Variants in ZNF326 observed in about 807,000 individuals in gnomAD.
The protein encoded by ZNF326 is zinc finger protein 326, also known as DBIRD complex subunit ZNF326.
ZNF326 carries 30 observed loss-of-function variants against 63.1 expected under a neutral mutation model. The observed-to-expected ratio is 0.48, with a 90% CI of 0.36 to 0.64. ZNF326 has a LOEUF of 0.64. Among genes scored for constraint, ZNF326 ranks in the 30% least tolerant of loss-of-function variants. The pLI is 0.00. For synonymous variants in ZNF326, 194 were observed against 228.2 expected, an observed-to-expected ratio of 0.85 and a Z score of 1.35; for missense variants, 609 against 720.3, an observed-to-expected ratio of 0.85 and a Z score of 1.77.
rs1292407265 is a variant in ZNF326 at position 89,995,137 on chromosome 1, G to C, written c.-121G>C. On this transcript the variant is annotated 5_prime_UTR_variant, in exon 1 of 12. Transcript: ENST00000340281. ...CCTCGCTGTGGCCTGCGGCTCCCGG[G>C]CTGGTAGCGCGCCGCTCTCGGTCGC... The C allele has an allele frequency of 3.2e-6, 4 of 1,267,598 alleles. No individual in the cohort carries two copies. In the South Asian group the frequency reaches 5.4e-5, roughly 17 times the overall value. The allele number at this position is 1,267,598 out of a possible 1,614,324, so 78.5% of individuals were successfully genotyped here.
Position 90,034,605 on chromosome 1 carries a change from A to G in ZNF326, c.*6904A>G, listed in dbSNP as rs1650411870. 6.6e-6 allele frequency: 1 copy of G among 152,216 alleles called. No homozygotes were observed. The highest frequency in any genetic ancestry group is 1.5e-5 in the Non-Finnish European group (1 of 68,002). The allele number at this position is 152,216 out of a possible 1,614,324, so 9.4% of individuals were successfully genotyped here. ...TCACAATGCAATGAAACAAAAAATT[A>G]GCAAGTGGATAGCAATAAATCAATT... On this transcript the variant is annotated 3_prime_UTR_variant, in exon 12 of 12. Transcript: ENST00000340281.
Position 90,033,040 on chromosome 1 carries a change from A to G in ZNF326, c.*5339A>G, listed in dbSNP as rs927211090. Reference sequence around the variant, plus strand: ...CTTTCTCCTTCCTCACACAATTAAAATGCTAGGTTTCCTGTAATCGCAATC... The same window carrying G: ...CTTTCTCCTTCCTCACACAATTAAAGTGCTAGGTTTCCTGTAATCGCAATC... On this transcript the variant is annotated 3_prime_UTR_variant, in exon 12 of 12. Coordinates refer to ENST00000340281, the MANE Select transcript of ZNF326 (RefSeq NM_182976.4). 3.9e-5 allele frequency: 6 copies of G among 152,140 alleles called. No homozygotes were observed. 9.4% of individuals were successfully genotyped at this position (152,140 alleles called of 1,614,324 possible).
intron 11 of ZNF326, among the ~76,000 whole-genome samples, chr1:90,023,312 G>A (rs1462695593): frequency 1.3e-5 from 2 of 152,130 alleles, no homozygotes; most frequent in Non-Finnish European, 2.9e-5. Flanking sequence ...TTACAACAGT[G>A]TGTTATTTAC....
intron 9 of ZNF326, among the ~76,000 whole-genome samples, chr1:90,020,222 C>T (rs1391465837): frequency 2.6e-5 from 4 of 151,986 alleles, no homozygotes; most frequent in South Asian, 4.1e-4. Flanking sequence ...GTGGCACATA[C>T]AGCTCTTTAT....
chr1:90,013,081 T>C, intron 6 of ZNF326, 45 bp from the exon 7 acceptor site: 1 of 1,502,466 alleles, frequency 6.7e-7, no homozygotes, highest in Non-Finnish European at 9.1e-7. Context: ...AAAGAGAGAA[T>C]GGAAAAATGA....
chr1:90,002,250 A>G (rs1034374317), intron 2 of ZNF326, among the ~76,000 whole-genome samples: 3 of 152,320 alleles, frequency 2.0e-5, no homozygotes, highest in Admixed American at 6.5e-5. Flanking sequence ...GCTATATAAA[A>G]GTAGCTTTAT....
chr1:90,004,798 C>CTTTTTTTTTTTTT (rs34878438), intron 2 of ZNF326, among the ~76,000 whole-genome samples: 3 of 68,110 alleles, frequency 4.4e-5, no homozygotes, highest in Non-Finnish European at 5.2e-5. Context: ...AATATCAGGG[C>CTTTTTTTTTTTTT]TTTTTTTTTT....
intron 7 of ZNF326, 55 bp from the exon 8 acceptor site, chr1:90,017,262 C>G: frequency 8.1e-7 from 1 of 1,230,916 alleles, no homozygotes; most frequent in Non-Finnish European, 1.1e-6. Context: ...TTCTTATGAA[C>G]TCTTTATAGT....
intron 4 of ZNF326, chr1:90,006,416 C>G: frequency 1.0e-6 from 1 of 985,130 alleles, no homozygotes; most frequent in Non-Finnish European, 1.2e-6. Flanking sequence ...TAATTGTGGG[C>G]CTTTATAAAA....
intron 2 of ZNF326, among the ~76,000 whole-genome samples, chr1:90,000,704 C>T (rs879603659): frequency 2.6e-5 from 4 of 152,158 alleles, no homozygotes; most frequent in Non-Finnish European, 5.9e-5. Context: ...GACCTTAACG[C>T]TGGCTTGACT....
chr1:90,030,946 G>T lies in ZNF326; in HGVS notation c.*3245G>T, dbSNP rs1479349367. The T allele has an allele frequency of 6.6e-6, 1 of 152,206 alleles. No individual in the cohort carries two copies. The highest frequency in any genetic ancestry group is 2.4e-5 in the African/African-American group (1 of 41,434). 9.4% of individuals were successfully genotyped at this position (152,206 alleles called of 1,614,324 possible). A position where few individuals can be genotyped will look rare whatever the true frequency, so the allele number is the denominator to read the frequency against. On this transcript the variant is annotated 3_prime_UTR_variant, in exon 12 of 12. Transcript: ENST00000340281. ...CAAAGTGCTAGAATTACAGGCATGA[G>T]CCACCACGCCTATCCTGGAGGTGAT...
chr1:90,010,331 T>A, intron 6 of ZNF326, 45 bp downstream of exon 6: 1 of 1,573,696 alleles, frequency 6.4e-7, no homozygotes, highest in Non-Finnish European at 8.6e-7. Flanking sequence ...TACTTTTTAT[T>A]TTTTAAAATT....
At chr1:90,006,382 G>A in intron 4 of ZNF326, 2 of 983,824 alleles carry the variant, frequency 2.0e-6, no homozygotes, top group Non-Finnish European at 2.4e-6. Flanking sequence ...TATATCCGTA[G>A]ATGTTATTGT....
At chr1:89,995,398 C>A in intron 1 of ZNF326, 125 bp downstream of exon 1, 2 of 1,279,558 alleles carry the variant, frequency 1.6e-6, no homozygotes, top group Non-Finnish European at 2.1e-6. Context: ...GCCGCCCGCC[C>A]GCCCCGGGCC....
rs766778561 is a variant in ZNF326 at position 90,017,386 on chromosome 1, A to T, written c.996A>T (p.Glu332Asp). Residue 332 changes from glutamate to aspartate, a missense_variant, in exon 8 of 12, where the codon GAA becomes GAT. Physicochemically the swap from Glu to Asp is conservative, Grantham distance 45 (BLOSUM62 2). This residue lies in a region of ZNF326 where 399 missense variants were observed against 444.3 expected (regional missense o/e 0.90). Coordinates refer to ENST00000340281, the MANE Select transcript of ZNF326 (RefSeq NM_182976.4). ...AAAAAGATATTGAACTGCATCTGGA[A>T]AGTTCTTCACATCAGGAAACATTAG... is the stretch of plus-strand genomic sequence containing the variant. ...FEEKDIELHL[E>D]SSSHQETLDH... is the part of the protein sequence containing the mutation. 6.2e-6 allele frequency: 10 copies of T among 1,607,958 alleles called. No individual in the cohort carries two copies. Among genetic ancestry groups the T allele is most frequent in the Non-Finnish European group, 8.5e-6 (10 of 1,178,076 alleles).
At chr1:90,006,597 T>C (rs1649001627) in intron 4 of ZNF326, 1 of 446,678 alleles carries the variant, frequency 2.2e-6, no homozygotes, top group African/African-American at 2.1e-5. Flanking sequence ...TTGCAAATAA[T>C]TGAATATATT....
intron 11 of ZNF326, 32 bp downstream of exon 11, chr1:90,022,377 A>G (rs1649811759): frequency 6.9e-7 from 1 of 1,451,738 alleles, no homozygotes; most frequent in African/African-American, 1.4e-5. Context: ...CTTTTCAATA[A>G]TATTGTAGTA....
chr1:90,008,418 T>A (rs530549056), intron 5 of ZNF326, among the ~76,000 whole-genome samples: 1 of 152,326 alleles, frequency 6.6e-6, no homozygotes, highest in South Asian at 2.1e-4. Flanking sequence ...TGTACAGATA[T>A]GTTTATGGTT....
At chr1:90,002,845 T>C (rs926450497) in intron 2 of ZNF326, among the ~76,000 whole-genome samples, 1 of 152,236 alleles carries the variant, frequency 6.6e-6, no homozygotes, top group Non-Finnish European at 1.5e-5. Context: ...TTTTTTACCA[T>C]ATATTATTTT....
Sources: gnomAD v4.1 joint callset for allele counts (sites outside exome capture counted in the v4.1 genomes callset) on GRCh38, gnomAD v4.1.1 for gene constraint, gnomAD v4.1.1 regional missense constraint, MANE v1.5 for transcripts, NCBI Gene and HGNC (gene_info 2026-07-23, HGNC 2026-07-21) for gene names.